CSMD3: variants seen among roughly 807,000 people sequenced by gnomAD.
The protein encoded by CSMD3 is CUB and Sushi multiple domains 3.
Under a neutral mutation model 435.2 loss-of-function variants are expected in CSMD3, and 177 were observed. That is an observed-to-expected ratio of 0.41 (90% CI 0.36 to 0.46). CSMD3 has a LOEUF of 0.46. Ranked by LOEUF, CSMD3 falls within the 20% of genes least tolerant of loss-of-function variation. The pLI is 0.34. For synonymous variants in CSMD3, 1,656 were observed against 1,520.5 expected (o/e 1.09, Z -2.07); for missense variants, 4,265 against 4,504.6 (o/e 0.95, Z 1.52).
intron 22 of CSMD3, among the ~76,000 whole-genome samples, chr8:112,592,633 T>C (rs975774559): frequency 7.2e-5 from 11 of 152,122 alleles, no homozygotes; most frequent in Non-Finnish European, 1.2e-4. Context: ...ATTCAAAACT[T>C]TTTAAAATCA....
At chr8:113,108,302 C>G (rs1242611930) in intron 4 of CSMD3, among the ~76,000 whole-genome samples, 2 of 151,936 alleles carry the variant, frequency 1.3e-5, no homozygotes, top group Admixed American at 6.6e-5. Flanking sequence ...GTGGCAGGTG[C>G]CTGTAGTCCC....
At chr8:113,236,680 G>A (rs560569757) in intron 3 of CSMD3, among the ~76,000 whole-genome samples, 1 of 152,142 alleles carries the variant, frequency 6.6e-6, no homozygotes, top group East Asian at 1.9e-4. Context: ...TGGCTTCCCT[G>A]GTTCTGAGAC....
intron 9 of CSMD3, among the ~76,000 whole-genome samples, chr8:112,927,220 C>A (rs571510583): frequency 6.6e-6 from 1 of 151,918 alleles, no homozygotes; most frequent in East Asian, 1.9e-4. Flanking sequence ...TAAAATTGTA[C>A]AAGTACGTAT....
At chr8:112,875,930 A>G (rs2130117202) in intron 10 of CSMD3, among the ~76,000 whole-genome samples, 1 of 152,216 alleles carries the variant, frequency 6.6e-6, no homozygotes, top group East Asian at 1.9e-4. Flanking sequence ...CAATTTGTCA[A>G]ACTCATTCTC....
Position 112,492,660 on chromosome 8 carries a change from C to G in CSMD3, c.5107G>C (p.Asp1703His), listed in dbSNP as rs2130854526. ...YKAKLRESCF[D>H]PGNIMNGTRL... ...GTGCCATTCATTATATTGCCTGGAT[C>G]AAAGCAGGACTCTCGCAGTTTTGCT... The change falls in exon 31 of 71, where the codon GAT becomes CAT. Residue 1703 changes from aspartate (D) to histidine (H), a missense_variant. Asp to His is a moderately conservative substitution (Grantham distance 81). This residue lies in a region of CSMD3 where 3,255 missense variants were observed against 3,380.2 expected (regional missense o/e 0.96). Transcript: ENST00000297405. The G allele has an allele frequency of 6.2e-7, 1 of 1,613,796 alleles. No homozygotes were observed. The highest frequency in any genetic ancestry group is 8.5e-7 in the Non-Finnish European group (1 of 1,179,838).
intron 3 of CSMD3, 49 bp from the exon 4 acceptor site, chr8:113,173,965 T>C: frequency 4.5e-6 from 6 of 1,341,362 alleles, no homozygotes; most frequent in East Asian, 2.3e-5. Flanking sequence ...CAATAAGCAG[T>C]TTATTGTTTT....
chr8:112,386,623 G>C (rs1829985781), intron 36 of CSMD3, among the ~76,000 whole-genome samples: 3 of 151,820 alleles, frequency 2.0e-5, no homozygotes, highest in African/African-American at 7.3e-5. Flanking sequence ...TCAGCCTCCC[G>C]AGTAGCTGGG....
chr8:112,903,831 A>G (rs1335802213), intron 10 of CSMD3, among the ~76,000 whole-genome samples: 1 of 151,316 alleles, frequency 6.6e-6, no homozygotes, highest in Non-Finnish European at 1.5e-5. Flanking sequence ...TTCTACCTTT[A>G]TTCCGAAAGC....
At chr8:113,183,130 T>C (rs897379697) in intron 3 of CSMD3, among the ~76,000 whole-genome samples, 16 of 152,042 alleles carry the variant, frequency 1.1e-4, no homozygotes, top group African/African-American at 3.6e-4. Context: ...TCCTGCATCC[T>C]GTAGTCCCCT....
intron 1 of CSMD3, among the ~76,000 whole-genome samples, chr8:113,344,168 T>TA (rs1171112807): frequency 1.3e-5 from 2 of 152,168 alleles, no homozygotes; most frequent in African/African-American, 4.8e-5. Flanking sequence ...AATTTTTTTT[T>TA]ACTCTTGAAA....
At chr8:112,275,939 A>T (rs1817998260) in intron 59 of CSMD3, among the ~76,000 whole-genome samples, 1 of 152,134 alleles carries the variant, frequency 6.6e-6, no homozygotes, top group Admixed American at 6.5e-5. Context: ...ATAGTTCCCA[A>T]AAGTCTTAAC....
At chr8:112,737,284 C>T (rs1380915528) in intron 13 of CSMD3, among the ~76,000 whole-genome samples, 1 of 151,894 alleles carries the variant, frequency 6.6e-6, no homozygotes, top group African/African-American at 2.4e-5. Context: ...GCTGGAGTAG[C>T]AAGCATTTAA....
chr8:113,204,063 G>A (rs553313743), intron 3 of CSMD3, among the ~76,000 whole-genome samples: 7 of 151,980 alleles, frequency 4.6e-5, no homozygotes, highest in East Asian at 1.9e-4. Context: ...ATTTTCTGTC[G>A]TAATATTTTT....
At chr8:112,747,573 A>G (rs908325442) in intron 13 of CSMD3, among the ~76,000 whole-genome samples, 3 of 152,170 alleles carry the variant, frequency 2.0e-5, no homozygotes, top group African/African-American at 7.2e-5. Flanking sequence ...TTTTTATCTT[A>G]GTTCTGAACA....
chr8:113,388,140 T>C lies in CSMD3; in HGVS notation c.178+48537A>G, dbSNP rs563663466. Among the ~76,000 whole-genome samples, 16 of 151,808 alleles carry C rather than the reference T, an allele frequency of 1.1e-4. 1 individual carries two copies. Among genetic ancestry groups the C allele is most frequent in the Admixed American group, 3.9e-4 (6 of 15,208 alleles). ...TCTTTATATGCTATGCTAAGGTATA[T>C]AGGTAACACAGAGCTAAAATATAAG... On this transcript the variant is annotated intron_variant, in intron 1 of 70. Transcript: ENST00000297405.
intron 1 of CSMD3, chr8:113,376,672 G>C: frequency 6.3e-7 from 1 of 1,581,934 alleles, no homozygotes; most frequent in Non-Finnish European, 8.7e-7. Flanking sequence ...CGCCATCATG[G>C]GAGTTGACAC....
At chr8:113,020,120 G>A (rs894558047) in intron 5 of CSMD3, among the ~76,000 whole-genome samples, 9 of 142,188 alleles carry the variant, frequency 6.3e-5, no homozygotes, top group East Asian at 2.1e-4. Context: ...CCGAGATTGC[G>A]CCACTGCAGT....
At chr8:112,792,143 T>C (rs1170946925) in intron 13 of CSMD3, among the ~76,000 whole-genome samples, 1 of 152,200 alleles carries the variant, frequency 6.6e-6, no homozygotes, top group East Asian at 1.9e-4. Context: ...GAAATTCATT[T>C]GCTTAACAGT....
At chr8:113,129,974 C>CAT (rs974819630) in intron 4 of CSMD3, among the ~76,000 whole-genome samples, 14 of 151,396 alleles carry the variant, frequency 9.2e-5, no homozygotes, top group Admixed American at 3.3e-4. Flanking sequence ...AACTTATTTA[C>CAT]ATATATATAT....
Sources: gnomAD v4.1 joint callset for allele counts (sites outside exome capture counted in the v4.1 genomes callset) on GRCh38, gnomAD v4.1.1 for gene constraint, gnomAD v4.1.1 regional missense constraint, MANE v1.5 for transcripts, NCBI Gene and HGNC (gene_info 2026-07-23, HGNC 2026-07-21) for gene names.